CYP27C1: variants seen among roughly 807,000 people sequenced by gnomAD.
CYP27C1 encodes cytochrome P450 family 27 subfamily C member 1.
In CYP27C1, 29 loss-of-function variants were observed where a neutral mutation model predicts 40.6. That is an observed-to-expected ratio of 0.71 (90% CI 0.53 to 0.97). The LOEUF (loss-of-function observed/expected upper bound fraction) is 0.97, where lower values mean the gene tolerates loss of function less well. Ranked by LOEUF, CYP27C1 falls within the 50% of genes least tolerant of loss-of-function variation. The pLI, the probability that CYP27C1 is intolerant of heterozygous loss-of-function variation, is 0.00. For missense variants in CYP27C1, 390 were observed against 485.8 expected (o/e 0.80, Z 1.85); for synonymous variants, 198 against 186.8 (o/e 1.06, Z -0.49).
At chr2:127,191,869 C>T (rs1448274509) in intron 8 of CYP27C1, among the ~76,000 whole-genome samples, 1 of 152,216 alleles carries the variant, frequency 6.6e-6, no homozygotes, top group Non-Finnish European at 1.5e-5. Context: ...CTTGGTCCCA[C>T]CAGCCCCACC....
chr2:127,204,561 GAAAGAAAGAAAGAAAGAAAGAAAGAA>G (rs1683170162), intron 2 of CYP27C1, among the ~76,000 whole-genome samples: 15 of 56,096 alleles, frequency 2.7e-4, no homozygotes, highest in South Asian at 4.8e-4. Context: ...GAGAGAGAAA[GAAAGAAAGAAAGAAAGAAAGAAAGAA>G]AGAAAGAAAG....
chr2:127,193,773 A>G lies in CYP27C1; in HGVS notation c.1293+16T>C, dbSNP rs375907565. 3 of 1,613,816 alleles carry G rather than the reference A, an allele frequency of 1.9e-6. No homozygotes were observed. In the African/African-American group the frequency reaches 4.0e-5, roughly 22 times the overall value. On this transcript the variant is annotated intron_variant, in intron 7 of 8. Transcript: ENST00000664447. ...CGACCCGCAAGGCCTGGCCACCCCC[A>G]TGGCCCCAAACTCACGCCTTTCGGA...
chr2:127,188,293 C>T (rs1008710276), intron 8 of CYP27C1, among the ~76,000 whole-genome samples: 5 of 152,182 alleles, frequency 3.3e-5, no homozygotes, highest in Non-Finnish European at 2.9e-5. Flanking sequence ...AGGCTGGGAC[C>T]CCATGGCGTG....
chr2:127,202,055 C>A (rs1683046446), intron 3 of CYP27C1, among the ~76,000 whole-genome samples: 1 of 150,982 alleles, frequency 6.6e-6, no homozygotes, highest in Non-Finnish European at 1.5e-5. Flanking sequence ...GATGAGAAAG[C>A]TGATAGAAAG....
chr2:127,197,484 G>T (rs1294503058), intron 5 of CYP27C1, among the ~76,000 whole-genome samples: 1 of 152,214 alleles, frequency 6.6e-6, no homozygotes, highest in Non-Finnish European at 1.5e-5. Context: ...CAAAGGAAAA[G>T]CTTTGAGATG....
intron 3 of CYP27C1, among the ~76,000 whole-genome samples, chr2:127,202,870 T>G (rs1683068515): frequency 6.6e-6 from 1 of 152,168 alleles, no homozygotes; most frequent in South Asian, 2.1e-4. Flanking sequence ...GGCAAGTTCT[T>G]TTTTAAGTCC....
intron 1 of CYP27C1, among the ~76,000 whole-genome samples, chr2:127,217,482 G>A (rs987945699): frequency 2.2e-4 from 33 of 152,208 alleles, no homozygotes; most frequent in Admixed American, 1.5e-3. Flanking sequence ...GAGGAATGGC[G>A]ATTGCTAATC....
chr2:127,195,648 A>G lies in CYP27C1; in HGVS notation c.1048-147T>C. On this transcript the variant is annotated intron_variant, in intron 5 of 8. Transcript: ENST00000664447. The surrounding 1 kb of genome is among the most constrained non-coding windows in gnomAD (Gnocchi z 6.2). ...TCCATATAGCACCTAATGTCTTACT[A>G]AAAACGAAAGACTGTTTCCTTAATT... The G allele has an allele frequency of 1.5e-6, 1 of 670,436 alleles. No individual in the cohort carries two copies. The allele number at this position is 670,436 out of a possible 1,614,324, so 41.5% of individuals were successfully genotyped here.
rs753721036 is a variant in CYP27C1, at chr2:127,192,975, G to A, written c.1497+119C>T. On this transcript the variant is annotated intron_variant, in intron 8 of 8. Transcript: ENST00000664447. ...ACAGGTGTGAGCCACAGTGCCTGAC[G>A]GCTCTTGATCTTAAGTTTCCAAAAC... 2.7e-4 allele frequency: 350 copies of A among 1,309,460 alleles called. 1 individual carries two copies. The highest frequency in any genetic ancestry group is 3.4e-4 in the Non-Finnish European group (329 of 959,430). 81.1% of individuals were successfully genotyped at this position (1,309,460 alleles called of 1,614,324 possible).
At chr2:127,205,492 G>A (rs1050998744) in intron 2 of CYP27C1, among the ~76,000 whole-genome samples, 10 of 152,170 alleles carry the variant, frequency 6.6e-5, no homozygotes, top group African/African-American at 2.4e-4. Flanking sequence ...ACCACGTGGC[G>A]ACCAAGGCTG....
At chr2:127,187,475 G>A (rs1025048814) in intron 8 of CYP27C1, 88 bp from the exon 9 acceptor site, 19 of 1,180,032 alleles carry the variant, frequency 1.6e-5, no homozygotes, top group South Asian at 6.4e-5. Flanking sequence ...TTCCTGTGGC[G>A]GCACTGGGCT....
intron 2 of CYP27C1, among the ~76,000 whole-genome samples, chr2:127,204,480 G>GA (rs1558931036): frequency 2.7e-5 from 2 of 74,630 alleles, no homozygotes; most frequent in African/African-American, 1.1e-4. Context: ...AAGAAAGAAA[G>GA]AAAGAAAGGA....
At chr2:127,194,914 C>G (rs535189949) in intron 6 of CYP27C1, among the ~76,000 whole-genome samples, 2 of 150,662 alleles carry the variant, frequency 1.3e-5, no homozygotes, top group South Asian at 2.1e-4. Context: ...AATCTTGGCT[C>G]CATCACCTAA....
chr2:127,193,173 G>C lies in CYP27C1; in HGVS notation c.1418C>G (p.Ser473Cys). 6.2e-7 allele frequency: 1 copy of C among 1,614,190 alleles called. No individual in the cohort carries two copies. The highest frequency in any genetic ancestry group is 8.5e-7 in the Non-Finnish European group (1 of 1,180,012). The change falls in exon 8 of 9, where the codon TCC becomes TGC. Residue 473 changes from serine (S) to cysteine (C), a missense_variant. Physicochemically the swap from Ser to Cys is moderately radical, Grantham distance 112. Coordinates refer to ENST00000664447, the MANE Select transcript of CYP27C1 (RefSeq NM_001367502.1). ...GDLDRVDNFG[S>C]IPFGHGVRSC... Reference sequence around the variant, plus strand: ...GCGAACCCCATGACCAAAGGGGATGGATCCAAAATTGTCAACTCTATCTAA... The same window carrying C: ...GCGAACCCCATGACCAAAGGGGATGCATCCAAAATTGTCAACTCTATCTAA...
rs1252939619 is a variant in CYP27C1 at position 127,195,592 on chromosome 2, TAC to T, written c.1048-93_1048-92del. On this transcript the variant is annotated intron_variant, in intron 5 of 8. Coordinates refer to ENST00000664447, the MANE Select transcript of CYP27C1 (RefSeq NM_001367502.1). The surrounding 1 kb of genome is among the most constrained non-coding windows in gnomAD (Gnocchi z 6.2). ...TGGCAGGTAGGAAGTCCCCTGGGAATACACACAGCACAAAGTCAAACTCATCC... is the reference window on the plus strand; with the variant it reads ...TGGCAGGTAGGAAGTCCCCTGGGAATACACAGCACAAAGTCAAACTCATCC... 7.4e-7 allele frequency: 1 copy of T among 1,348,886 alleles called. No individual in the cohort carries two copies. Among genetic ancestry groups the T allele is most frequent in the Non-Finnish European group, 1.0e-6 (1 of 976,354 alleles). 83.6% of individuals were successfully genotyped at this position (1,348,886 alleles called of 1,614,324 possible).
rs1267753586 is a variant in CYP27C1 at position 127,208,427 on chromosome 2, A to G, written c.283-2337T>C. 6.6e-6 allele frequency among the ~76,000 whole-genome samples: 1 copy of G among 152,166 alleles called. No individual in the cohort carries two copies. The highest frequency in any genetic ancestry group is 1.5e-5 in the Non-Finnish European group (1 of 68,024). On this transcript the variant is annotated intron_variant, in intron 1 of 8. Transcript: ENST00000664447. This position sits in a 1 kb window ranked among gnomAD's most constrained non-coding sequence, Gnocchi z 5.2. Reference sequence around the variant, plus strand: ...CCATGCCACCAGAGCCAAGCATCCCAACCCTGGTATGCACAGATTCCTACA... The same window carrying G: ...CCATGCCACCAGAGCCAAGCATCCCGACCCTGGTATGCACAGATTCCTACA...
At chr2:127,202,601 G>A (rs964742307) in intron 3 of CYP27C1, among the ~76,000 whole-genome samples, 12 of 152,142 alleles carry the variant, frequency 7.9e-5, no homozygotes, top group Admixed American at 2.6e-4. Flanking sequence ...CAGGAAAGAG[G>A]GAGACCTTCA....
At chr2:127,207,709 A>G (rs1683257055) in intron 1 of CYP27C1, among the ~76,000 whole-genome samples, 1 of 152,134 alleles carries the variant, frequency 6.6e-6, no homozygotes, top group Non-Finnish European at 1.5e-5. Context: ...TAAATTTAAC[A>G]GGAGAAGTGT....
At chr2:127,198,437 ATGTTTACAAATCAGGAATGATT>A (rs1682955515) in intron 5 of CYP27C1, among the ~76,000 whole-genome samples, 1 of 152,188 alleles carries the variant, frequency 6.6e-6, no homozygotes, top group Non-Finnish European at 1.5e-5. Context: ...CAATGACAAA[ATGTTTACAAATCAGGAATGATT>A]TGTAAACTTT....
Sources: gnomAD v4.1 joint callset for allele counts (sites outside exome capture counted in the v4.1 genomes callset) on GRCh38, gnomAD v4.1.1 for gene constraint, Gnocchi (gnomAD v3.1) non-coding constraint, MANE v1.5 for transcripts, NCBI Gene and HGNC (gene_info 2026-07-23, HGNC 2026-07-21) for gene names.